CPNE8: variants seen among roughly 807,000 people sequenced by gnomAD.
CPNE8 encodes copine-8.
In CPNE8, 45 loss-of-function variants were observed where a neutral mutation model predicts 81.5. The ratio of observed to expected loss-of-function variants is 0.55; its 90% confidence interval spans 0.44 to 0.71. CPNE8 has a LOEUF of 0.71. Ranked by LOEUF, CPNE8 falls within the 30% of genes least tolerant of loss-of-function variation. CPNE8 has a pLI of 0.00. For missense variants in CPNE8, 594 were observed against 672.1 expected (o/e 0.88, Z 1.28); for synonymous variants, 252 against 226.3 (o/e 1.11, Z -1.02).
At chr12:38,657,653 G>A (rs1565556707) in intron 19 of CPNE8, among the ~76,000 whole-genome samples, 1 of 152,130 alleles carries the variant, frequency 6.6e-6, no homozygotes, top group African/African-American at 2.4e-5. Flanking sequence ...ATACAGCTGG[G>A]TGCCCCTCTG....
intron 6 of CPNE8, among the ~76,000 whole-genome samples, chr12:38,815,537 G>T (rs1351943575): frequency 6.6e-6 from 1 of 152,106 alleles, no homozygotes; most frequent in Non-Finnish European, 1.5e-5. Context: ...TTTCTATGCA[G>T]TTTTTTATTT....
Position 38,829,386 on chromosome 12 carries a change from G to C in CPNE8, c.400C>G (p.Pro134Ala). Residue 134 changes from proline (P) to alanine (A), a missense_variant, in exon 6 of 20, where the codon CCA (proline) becomes GCA (alanine). By Grantham distance (27) the Pro-to-Ala change is conservative. Transcript: ENST00000331366. ...GAATTAAAAAATACTTACACTATTG[G>C]TTTTTCCAGGCGACTTCCCTGTGAA... is the stretch of plus-strand genomic sequence containing the variant. Reference protein sequence around the residue: ...VGSQGSRLEKPIVGIPGKKCG... With the variant: ...VGSQGSRLEKAIVGIPGKKCG... The C allele has an allele frequency of 1.2e-6, 2 of 1,608,122 alleles. No individual in the cohort carries two copies. Among genetic ancestry groups the C allele is most frequent in the Non-Finnish European group, 1.7e-6 (2 of 1,174,668 alleles).
rs372409412 is a variant in CPNE8 at position 38,802,719 on chromosome 12, C to G, written c.408-26418G>C. ...TTCCAAAAATCAATGAATCCAGGAG[C>G]TGGTTTTTTGAAAGGATCAACAAAA... On this transcript the variant is annotated intron_variant, in intron 6 of 19. Coordinates refer to ENST00000331366, the MANE Select transcript of CPNE8 (RefSeq NM_153634.3). Among the ~76,000 whole-genome samples the G allele has an allele frequency of 1.5e-3, 223 of 151,590 alleles. 1 individual carries two copies. Among genetic ancestry groups the G allele is most frequent in the Non-Finnish European group, 2.3e-3 (154 of 67,920 alleles).
rs1401990693 is a variant in CPNE8 at position 38,839,910 on chromosome 12, AC to A, written c.330+5del. Reference sequence around the variant, plus strand: ...ATGTTATAAAAACATAAAAATATGAACTTACATGTTTGGATAAGTTGGGGCT... The same window carrying A: ...ATGTTATAAAAACATAAAAATATGAATTACATGTTTGGATAAGTTGGGGCT... On this transcript the variant is annotated splice_donor_5th_base_variant and intron_variant, in intron 5 of 19. Coordinates refer to ENST00000331366, the MANE Select transcript of CPNE8 (RefSeq NM_153634.3). 6.4e-7 allele frequency: 1 copy of A among 1,571,780 alleles called. No homozygotes were observed. The highest frequency in any genetic ancestry group is 8.7e-7 in the Non-Finnish European group (1 of 1,151,274).
At chr12:38,748,545 G>T (rs940367686) in intron 10 of CPNE8, among the ~76,000 whole-genome samples, 1 of 151,718 alleles carries the variant, frequency 6.6e-6, no homozygotes, top group African/African-American at 2.4e-5. Context: ...CTGTCGCCCA[G>T]GCTGGAGTGC....
chr12:38,894,493 C>A (rs1944358046), intron 1 of CPNE8, among the ~76,000 whole-genome samples: 1 of 151,988 alleles, frequency 6.6e-6, no homozygotes. Context: ...TTTCTAATAT[C>A]TCTGCTTCCA....
intron 10 of CPNE8, among the ~76,000 whole-genome samples, chr12:38,731,891 T>C (rs1188186355): frequency 6.6e-6 from 1 of 151,940 alleles, no homozygotes; most frequent in African/African-American, 2.4e-5. Context: ...TATATACTCA[T>C]GATTTATTTC....
chr12:38,762,817 C>T (rs1941598587), intron 8 of CPNE8, among the ~76,000 whole-genome samples: 1 of 152,118 alleles, frequency 6.6e-6, no homozygotes, highest in Non-Finnish European at 1.5e-5. Context: ...AGAAAGGAAG[C>T]CACTTCTGAT....
At chr12:38,885,613 G>A (rs1653759139) in intron 1 of CPNE8, among the ~76,000 whole-genome samples, 1 of 152,158 alleles carries the variant, frequency 6.6e-6, no homozygotes, top group South Asian at 2.1e-4. Context: ...GCTTTTCTGT[G>A]TGCAAGTATT....
rs550362822 is a variant in CPNE8 at position 38,799,539 on chromosome 12, T to C, written c.408-23238A>G. ...ACATACCAGAATCTCTGGGACGCAT[T>C]CAAAGCAGTGTGTAGAGGGAAATTT... On this transcript the variant is annotated intron_variant, in intron 6 of 19. Coordinates refer to ENST00000331366, the MANE Select transcript of CPNE8 (RefSeq NM_153634.3). Among the ~76,000 whole-genome samples, 30 of 151,950 alleles carry C rather than the reference T, an allele frequency of 2.0e-4. 1 individual carries two copies. The South Asian group carries it at 6.1e-3, about 31-fold the overall frequency.
chr12:38,710,912 C>T (rs1297682028), intron 13 of CPNE8, among the ~76,000 whole-genome samples: 1 of 152,184 alleles, frequency 6.6e-6, no homozygotes, highest in East Asian at 1.9e-4. Context: ...TACCTCCTGC[C>T]CTTGCTAAGC....
chr12:38,879,507 A>G (rs1246866431), intron 1 of CPNE8, among the ~76,000 whole-genome samples: 1 of 152,182 alleles, frequency 6.6e-6, no homozygotes, highest in East Asian at 1.9e-4. Context: ...AGGATTTAAT[A>G]GTAGAAAATA....
intron 1 of CPNE8, among the ~76,000 whole-genome samples, chr12:38,878,664 G>A (rs776298048): frequency 1.3e-5 from 2 of 152,008 alleles, no homozygotes; most frequent in Non-Finnish European, 2.9e-5. Flanking sequence ...ATTGTCAGTC[G>A]GCATTCTGAG....
intron 6 of CPNE8, among the ~76,000 whole-genome samples, chr12:38,824,720 A>G (rs566424488): frequency 6.6e-6 from 1 of 152,304 alleles, no homozygotes; most frequent in Admixed American, 6.5e-5. Context: ...ACACAAGAAG[A>G]CTTTAAATTC....
At chr12:38,806,336 T>A (rs549367278) in intron 6 of CPNE8, among the ~76,000 whole-genome samples, 1 of 149,776 alleles carries the variant, frequency 6.7e-6, no homozygotes, top group African/African-American at 2.4e-5. Flanking sequence ...TGATGAACAT[T>A]GATGCAAAAA....
At chr12:38,787,518 C>G (rs1942222015) in intron 6 of CPNE8, among the ~76,000 whole-genome samples, 1 of 128,698 alleles carries the variant, frequency 7.8e-6, no homozygotes. Context: ...TTCAAATGAA[C>G]AATCTAACAA....
At chr12:38,796,040 C>T (rs1301566834) in intron 6 of CPNE8, among the ~76,000 whole-genome samples, 1 of 152,308 alleles carries the variant, frequency 6.6e-6, no homozygotes, top group East Asian at 1.9e-4. Context: ...GCAGGCAGAT[C>T]ACTTGAGTTC....
intron 8 of CPNE8, among the ~76,000 whole-genome samples, chr12:38,766,768 AC>A (rs1321175504): frequency 5.9e-5 from 9 of 152,164 alleles, no homozygotes; most frequent in African/African-American, 1.9e-4. Context: ...AGTTAAAAAA[AC>A]AAAAAAGAAA....
chr12:38,818,635 T>C (rs1001039959), intron 6 of CPNE8, among the ~76,000 whole-genome samples: 3 of 152,186 alleles, frequency 2.0e-5, no homozygotes, highest in African/African-American at 7.2e-5. Context: ...TATAATCCTT[T>C]GGGTATATAT....
Sources: allele counts gnomAD v4.1 joint callset (sites outside exome capture counted in the v4.1 genomes callset), GRCh38; gene constraint gnomAD v4.1.1; transcripts MANE v1.5; gene names NCBI Gene and HGNC (gene_info 2026-07-23, HGNC 2026-07-21).